The following SHANK2 variants were observed in gnomAD, a reference collection of about 807,000 sequenced individuals.
The protein encoded by SHANK2 is SH3 and multiple ankyrin repeat domains 2.
Under a neutral mutation model 133.7 loss-of-function variants are expected in SHANK2, and 43 were observed. The ratio of observed to expected loss-of-function variants is 0.32; its 90% CI spans 0.25 to 0.41. SHANK2 has a LOEUF of 0.41. Ranked by LOEUF, SHANK2 falls within the 10% of genes least tolerant of loss-of-function variation. SHANK2 has a pLI of 1.00. For synonymous variants in SHANK2, 1,017 were observed against 952.8 expected (o/e 1.07, Z -1.24); for missense variants, 1,994 against 2,235.8 (o/e 0.89, Z 2.18).
At chr11:71,134,937 G>A (rs782212866) in intron 3 of SHANK2, among the ~76,000 whole-genome samples, 8 of 152,022 alleles carry the variant, frequency 5.3e-5, no homozygotes, top group East Asian at 1.9e-4. Context: ...AAATATAAAC[G>A]ATGTCACATG....
chr11:70,587,483 G>T (rs1313679738), intron 17 of SHANK2, among the ~76,000 whole-genome samples: 2 of 152,166 alleles, frequency 1.3e-5, no homozygotes, highest in Non-Finnish European at 2.9e-5. Context: ...ATGGATGACA[G>T]TGCTTACCGA....
chr11:70,571,729 T>C (rs11827301), intron 17 of SHANK2, among the ~76,000 whole-genome samples: 3,572 of 150,992 alleles, frequency 0.024, 135 homozygotes, highest in African/African-American at 0.083. Context: ...ACTGGAGGAG[T>C]CGGCAAAGGA....
At chr11:70,699,434 CAT>C (rs1565250998) in intron 14 of SHANK2, among the ~76,000 whole-genome samples, 1 of 152,206 alleles carries the variant, frequency 6.6e-6, no homozygotes, top group African/African-American at 2.4e-5. Flanking sequence ...AGACATAAAA[CAT>C]AGCAGCTCAC....
intron 17 of SHANK2, among the ~76,000 whole-genome samples, chr11:70,593,766 C>T (rs1389679361): frequency 3.3e-5 from 5 of 152,218 alleles, no homozygotes; most frequent in African/African-American, 1.2e-4. Context: ...GACAAGGACT[C>T]CAATCTGGAT....
rs567180478 is a variant in SHANK2, at chr11:71,217,496, T to C, written c.-13+7201A>G. Among the ~76,000 whole-genome samples the C allele has an allele frequency of 1.5e-3, 222 of 151,074 alleles. 1 individual carries two copies. Among genetic ancestry groups the C allele is most frequent in the Non-Finnish European group, 2.4e-3 (165 of 67,840 alleles). ...TCCAGCCTGGGCAACAGAGCAAGAC[T>C]CCGTCTCAAAAAAAAAAAAGTAAAC... On this transcript the variant is annotated intron_variant, in intron 2 of 25. Transcript: ENST00000601538.
rs1218363195 is a variant in SHANK2, at chr11:70,486,168, G to A, written c.4125C>T (p.Ile1375=). 2 of 1,613,726 alleles carry A rather than the reference G, an allele frequency of 1.2e-6. No individual in the cohort carries two copies. Among genetic ancestry groups the A allele is most frequent in the South Asian group, 1.1e-5 (1 of 91,070 alleles). The stretch of plus-strand genomic sequence containing the variant: ...CCTCTTCCATGGAGCCCACCGCGAC[G>A]ATGGTTCTGCCGGGCACGGTGGTGG... ...PEPTTVPGRT[I]VAVGSMEEAV... Residue 1375 remains isoleucine, a synonymous_variant, in exon 25 of 26, where the codon ATC becomes ATT. Transcript: ENST00000601538. This position sits in a 1 kb window ranked among gnomAD's most constrained non-coding sequence, Gnocchi z 8.0.
chr11:70,721,915 G>A (rs1946082422), intron 14 of SHANK2, among the ~76,000 whole-genome samples: 1 of 152,264 alleles, frequency 6.6e-6, no homozygotes, highest in African/African-American at 2.4e-5. Flanking sequence ...TTTAGCTGAG[G>A]CTTTGAAAGA....
intron 13 of SHANK2, among the ~76,000 whole-genome samples, chr11:70,803,260 T>C (rs1320417403): frequency 6.2e-5 from 5 of 80,440 alleles, no homozygotes; most frequent in Non-Finnish European, 1.3e-4. Context: ...TATCCACTCA[T>C]TCACCCACCT....
intron 25 of SHANK2, among the ~76,000 whole-genome samples, chr11:70,480,356 A>G (rs1197670162): frequency 1.3e-5 from 2 of 152,154 alleles, no homozygotes; most frequent in African/African-American, 4.8e-5. Flanking sequence ...GTAACCTGCT[A>G]GGGCATCCTA....
chr11:70,900,226 C>T (rs1453044871), intron 10 of SHANK2, among the ~76,000 whole-genome samples: 1 of 152,080 alleles, frequency 6.6e-6, no homozygotes, highest in Non-Finnish European at 1.5e-5. Context: ...TGGTAGCATG[C>T]ACCTGTAGTC....
At chr11:70,853,957 C>G (rs1455044264) in intron 11 of SHANK2, among the ~76,000 whole-genome samples, 1 of 152,082 alleles carries the variant, frequency 6.6e-6, no homozygotes, top group Non-Finnish European at 1.5e-5. Context: ...ACAGCATGAC[C>G]TCATGTTAAC....
intron 11 of SHANK2, among the ~76,000 whole-genome samples, chr11:70,881,873 A>C (rs1021141400): frequency 6.6e-5 from 10 of 151,674 alleles, no homozygotes; most frequent in Non-Finnish European, 1.3e-4. Context: ...TGCACCCAGC[A>C]AATTATTTAT....
intron 1 of SHANK2, among the ~76,000 whole-genome samples, chr11:71,244,901 A>T (rs539952540): frequency 2.2e-4 from 33 of 152,030 alleles, no homozygotes; most frequent in African/African-American, 7.7e-4. Flanking sequence ...ATGGGGTTTC[A>T]CCATTTTGGC....
In SHANK2 at chr11:70,544,530, C is replaced by T. The variant is rs1012322055; in HGVS notation, c.2062-41599G>A. On this transcript the variant is annotated intron_variant, in intron 17 of 25. Coordinates refer to ENST00000601538, the MANE Select transcript of SHANK2 (RefSeq NM_012309.5). ...GCAGTGTGTATGGTTCACCAGGGCC[C>T]AAATCCCTGCCCAGGGAGAGGCACT... Among the ~76,000 whole-genome samples, 4 of 152,184 alleles carry T rather than the reference C, an allele frequency of 2.6e-5. No individual in the cohort carries two copies. In the East Asian group the frequency reaches 7.7e-4, roughly 29 times the overall value.
intron 14 of SHANK2, among the ~76,000 whole-genome samples, chr11:70,730,928 T>C (rs1330464558): frequency 4.0e-5 from 6 of 151,706 alleles, no homozygotes; most frequent in Non-Finnish European, 2.9e-5. Flanking sequence ...CACAATGCTG[T>C]GCAACCAGCA....
intron 11 of SHANK2, among the ~76,000 whole-genome samples, chr11:70,829,151 T>G (rs1339120916): frequency 6.6e-6 from 1 of 152,184 alleles, no homozygotes; most frequent in African/African-American, 2.4e-5. Flanking sequence ...TTCTGACTGG[T>G]GGACCAGGCA....
chr11:70,534,659 A>C (rs565881264), intron 17 of SHANK2, among the ~76,000 whole-genome samples: 57 of 152,244 alleles, frequency 3.7e-4, no homozygotes, highest in African/African-American at 1.4e-3. Context: ...AGCTGGATGA[A>C]AGAATGACAG....
chr11:71,107,711 G>A (rs541720143), intron 6 of SHANK2, among the ~76,000 whole-genome samples: 1 of 152,308 alleles, frequency 6.6e-6, no homozygotes, highest in African/African-American at 2.4e-5. Context: ...AGAAATCGCT[G>A]CTTACCTGTT....
intron 17 of SHANK2, among the ~76,000 whole-genome samples, chr11:70,529,023 TG>T (rs1554972689): frequency 6.6e-6 from 1 of 152,026 alleles, no homozygotes; most frequent in Non-Finnish European, 1.5e-5. Flanking sequence ...GGGCAGATCA[TG>T]GGGCATCCTG....
Sources: allele counts gnomAD v4.1 joint callset (sites outside exome capture counted in the v4.1 genomes callset), GRCh38; gene constraint gnomAD v4.1.1; non-coding constraint Gnocchi (gnomAD v3.1); transcripts MANE v1.5; gene names NCBI Gene and HGNC (gene_info 2026-07-23, HGNC 2026-07-21).